The following ZNF516 variants were observed in gnomAD, a reference collection of about 807,000 sequenced individuals.
The protein encoded by ZNF516 is zinc finger protein 516.
In ZNF516, 19 loss-of-function variants were observed where a neutral mutation model predicts 79.7. The ratio of observed to expected loss-of-function variants is 0.24; its 90% CI spans 0.17 to 0.35. The LOEUF is 0.35. ZNF516 is among the 10% of genes least tolerant of loss of function. The probability of loss-of-function intolerance (pLI) is 1.00; values close to 1 mark genes in which losing one functional copy is unlikely to be tolerated. For missense variants in ZNF516, 1,678 were observed against 1,679.5 expected (o/e 1.00, Z 0.02); for synonymous variants, 877 against 739.5 (o/e 1.19, Z -3.02).
chr18:76,395,561 A>G (rs1415838980), intron 3 of ZNF516, among the ~76,000 whole-genome samples: 1 of 152,152 alleles, frequency 6.6e-6, no homozygotes, highest in African/African-American at 2.4e-5. Flanking sequence ...AGGCAGCCTC[A>G]GGGGCAGGTA....
intron 3 of ZNF516, among the ~76,000 whole-genome samples, chr18:76,403,114 C>A (rs1321019151): frequency 6.6e-6 from 1 of 152,252 alleles, no homozygotes; most frequent in Non-Finnish European, 1.5e-5. Context: ...ATGACTATTT[C>A]TCTGTAATTA....
rs61233300 is a variant in ZNF516, at chr18:76,360,646, AATATATATATATAT to A, written c.*1838_*1851del. On this transcript the variant is annotated 3_prime_UTR_variant, in exon 7 of 7. Coordinates refer to ENST00000443185, the MANE Select transcript of ZNF516 (RefSeq NM_014643.4). ...AAAAAAATAAGTAAAAAAAAAAAAA[AATATATATATATAT>A]ATATATATATATATATATAAGCTAG... is the stretch of plus-strand genomic sequence containing the variant. 16 of 72,464 alleles carry A rather than the reference AATATATATATATAT, an allele frequency of 2.2e-4. No homozygotes were observed. The East Asian group carries it at 4.3e-3, about 19-fold the overall frequency. 4.5% of individuals were successfully genotyped at this position (72,464 alleles called of 1,614,324 possible). A position where few individuals can be genotyped will look rare whatever the true frequency, so the allele number is the denominator to read the frequency against.
chr18:76,383,075 C>T (rs1279873888), intron 3 of ZNF516, among the ~76,000 whole-genome samples: 8 of 151,314 alleles, frequency 5.3e-5, no homozygotes, highest in Non-Finnish European at 8.8e-5. Context: ...TGGTCTAGCC[C>T]AAGTTATCGA....
chr18:76,442,748 C>T lies in ZNF516; in HGVS notation c.307G>A (p.Gly103Ser). 1 of 1,585,058 alleles carries T rather than the reference C, an allele frequency of 6.3e-7. No individual in the cohort carries two copies. Among genetic ancestry groups the T allele is most frequent in the East Asian group, 2.3e-5 (1 of 43,012 alleles). ...AGGCCCTCGGAGGCGCGCATCTCAC[C>T]CAGCGGCGCCTCGCCCGCCTCCGGC... ...HEPEAGEAPLGEMRASEGLDA... is the reference protein window; with the variant it reads ...HEPEAGEAPLSEMRASEGLDA... Residue 103 changes from glycine (G) to serine (S), a missense_variant, in exon 3 of 7, where the codon GGT (glycine) becomes AGT (serine). Gly to Ser is a moderately conservative substitution (Grantham distance 56, BLOSUM62 0). Around this residue, in one of 5 missense-constraint regions of ZNF516, gnomAD observed 279 missense variants for 254.1 expected, o/e 1.10. Coordinates refer to ENST00000443185, the MANE Select transcript of ZNF516 (RefSeq NM_014643.4).
chr18:76,491,482 G>A (rs1424338772), intron 1 of ZNF516, among the ~76,000 whole-genome samples: 1 of 139,608 alleles, frequency 7.2e-6, no homozygotes, highest in African/African-American at 2.5e-5. Flanking sequence ...TGGGCTGTGG[G>A]TCCGTCTCTT....
At chr18:76,364,539 T>TA (rs2074585080) in intron 6 of ZNF516, among the ~76,000 whole-genome samples, 3 of 152,246 alleles carry the variant, frequency 2.0e-5, no homozygotes, top group Non-Finnish European at 4.4e-5. Context: ...CTGAAAGACA[T>TA]ACTATCTTTC....
Position 76,441,713 on chromosome 18 carries a change from C to T in ZNF516, c.1342G>A (p.Ala448Thr), listed in dbSNP as rs1303796022. The T allele has an allele frequency of 7.0e-6, 11 of 1,572,764 alleles. No homozygotes were observed. The highest frequency in any genetic ancestry group is 1.8e-5 in the Admixed American group (1 of 56,084). Residue 448 changes from alanine to threonine, a missense_variant, in exon 3 of 7, where the codon GCC (alanine) becomes ACC (threonine). Physicochemically the swap from Ala to Thr is moderately conservative, Grantham distance 58. Coordinates refer to ENST00000443185, the MANE Select transcript of ZNF516 (RefSeq NM_014643.4). The part of the protein sequence containing the change: ...AWDEALAGDV[A>T]FDKDRREYVL... ...TACTCGCGCCTGTCCTTGTCGAAGG[C>T]CACGTCCCCGGCCAGCGCCTCGTCC...
intron 3 of ZNF516, among the ~76,000 whole-genome samples, chr18:76,440,822 G>A (rs1748802036): frequency 6.6e-6 from 1 of 152,136 alleles, no homozygotes; most frequent in Admixed American, 6.5e-5. Context: ...AAAGAAGGGG[G>A]TGAATGTCTC....
chr18:76,436,451 A>G (rs2075736381), intron 3 of ZNF516, among the ~76,000 whole-genome samples: 1 of 151,918 alleles, frequency 6.6e-6, no homozygotes, highest in African/African-American at 2.4e-5. Flanking sequence ...CATGATGAAC[A>G]CTGTGTGAGG....
At chr18:76,363,031 C>T (rs56272622) in intron 6 of ZNF516, among the ~76,000 whole-genome samples, 423 of 152,280 alleles carry the variant, frequency 2.8e-3, no homozygotes, top group Non-Finnish European at 4.5e-3. Context: ...ACGGCTCTCA[C>T]GTAGGTCTGT....
At chr18:76,437,067 A>ACACAC (rs1555710304) in intron 3 of ZNF516, among the ~76,000 whole-genome samples, 1 of 135,892 alleles carries the variant, frequency 7.4e-6, no homozygotes, top group African/African-American at 2.9e-5. Flanking sequence ...ACCTGTCTAA[A>ACACAC]ACACACACAC....
At chr18:76,448,513 A>C (rs1912201677) in intron 2 of ZNF516, among the ~76,000 whole-genome samples, 1 of 152,320 alleles carries the variant, frequency 6.6e-6, no homozygotes, top group Non-Finnish European at 1.5e-5. Context: ...ACACTACAGA[A>C]ACTTCTTTAG....
intron 3 of ZNF516, among the ~76,000 whole-genome samples, chr18:76,390,505 C>A (rs527611258): frequency 6.6e-6 from 1 of 152,292 alleles, no homozygotes; most frequent in South Asian, 2.1e-4. Context: ...CAAGACGGCA[C>A]CTGTCTCAGA....
Position 76,441,791 on chromosome 18 carries a change from C to A in ZNF516, c.1264G>T (p.Ala422Ser), listed in dbSNP as rs1373746318. Residue 422 changes from alanine (A) to serine (S), a missense_variant, in exon 3 of 7, where the codon GCC becomes TCC. Transcript: ENST00000443185. ...GGCTCGGCCACCTTACCCCGCGTGG[C>A]CAGCTGCCAGGCCTGGTAGCTGTTG... Reference protein sequence around the residue: ...PVNSYQAWQLATRGKVAEPAE... With the variant: ...PVNSYQAWQLSTRGKVAEPAE... The A allele has an allele frequency of 1.3e-6, 2 of 1,559,274 alleles. No individual in the cohort carries two copies. Among genetic ancestry groups the A allele is most frequent in the Middle Eastern group, 1.7e-4 (1 of 6,022 alleles).
At chr18:76,432,792 G>A (rs548156323) in intron 3 of ZNF516, among the ~76,000 whole-genome samples, 3 of 152,194 alleles carry the variant, frequency 2.0e-5, no homozygotes, top group African/African-American at 7.2e-5. Flanking sequence ...CATGCCCAGG[G>A]TCACTCGATG....
Position 76,441,371 on chromosome 18 carries a change from C to T in ZNF516, c.1684G>A (p.Gly562Ser). ...ARARCGSLSE[G>S]DSASQPSSPG... Reference sequence around the variant, plus strand: ...CTGCTGGGCTGGGAGGCCGAGTCACCCTCACTGAGTGATCCGCAGCGGGCC... The same window carrying T: ...CTGCTGGGCTGGGAGGCCGAGTCACTCTCACTGAGTGATCCGCAGCGGGCC... The change falls in exon 3 of 7, where the codon GGT (glycine) becomes AGT (serine). Residue 562 changes from glycine to serine, a missense_variant. By Grantham distance (56) the Gly-to-Ser change is moderately conservative (BLOSUM62 0). This residue lies in a region of ZNF516 where 1,294 missense variants were observed against 1,248.3 expected (regional missense o/e 1.04). Coordinates refer to ENST00000443185, the MANE Select transcript of ZNF516 (RefSeq NM_014643.4). 1 of 1,611,104 alleles carries T rather than the reference C, an allele frequency of 6.2e-7. No homozygotes were observed. The highest frequency in any genetic ancestry group is 8.5e-7 in the Non-Finnish European group (1 of 1,179,250).
At chr18:76,365,581 AATGG>A (rs1280671063) in intron 6 of ZNF516, among the ~76,000 whole-genome samples, 1 of 152,160 alleles carries the variant, frequency 6.6e-6, no homozygotes, top group Non-Finnish European at 1.5e-5. Flanking sequence ...AGTTGTGCTA[AATGG>A]ATGACCAAGC....
At chr18:76,436,659 T>C (rs1252098460) in intron 3 of ZNF516, among the ~76,000 whole-genome samples, 1 of 152,106 alleles carries the variant, frequency 6.6e-6, no homozygotes, top group Non-Finnish European at 1.5e-5. Context: ...CATATAAAGG[T>C]TGCCCACACC....
At chr18:76,396,143 AT>A (rs1456769958) in intron 3 of ZNF516, among the ~76,000 whole-genome samples, 1 of 152,228 alleles carries the variant, frequency 6.6e-6, no homozygotes, top group Non-Finnish European at 1.5e-5. Flanking sequence ...TGGTTCTCCC[AT>A]CCCCAGTAGC....
Sources: allele counts gnomAD v4.1 joint callset (sites outside exome capture counted in the v4.1 genomes callset), GRCh38; gene constraint gnomAD v4.1.1; regional missense constraint gnomAD v4.1.1; transcripts MANE v1.5; gene names NCBI Gene and HGNC (gene_info 2026-07-23, HGNC 2026-07-21).